GABRB1: variants seen among roughly 807,000 people sequenced by gnomAD.
The protein encoded by GABRB1 is gamma-aminobutyric acid receptor subunit beta-1.
GABRB1 carries 17 observed loss-of-function variants against 51.6 expected under a neutral mutation model. That is an observed-to-expected ratio of 0.33 (90% CI 0.23 to 0.49). The LOEUF is 0.49. Among genes scored for constraint, GABRB1 ranks in the 20% least tolerant of loss-of-function variants. The pLI is 0.99. For missense variants in GABRB1, 410 were observed against 600.6 expected (o/e 0.68, Z 3.32); for synonymous variants, 247 against 218.9 (o/e 1.13, Z -1.14).
chr4:47,211,114 G>A (rs114173949), intron 4 of GABRB1, among the ~76,000 whole-genome samples: 67 of 152,110 alleles, frequency 4.4e-4, no homozygotes, highest in African/African-American at 1.4e-3. Context: ...TCTTTCCCAC[G>A]TTACCAGAAC....
intron 4 of GABRB1, among the ~76,000 whole-genome samples, chr4:47,261,299 C>T (rs956284475): frequency 1.8e-4 from 28 of 152,264 alleles, no homozygotes; most frequent in African/African-American, 6.0e-4. Flanking sequence ...TAGAAAACCC[C>T]ACTGTCTCAG....
intron 4 of GABRB1, among the ~76,000 whole-genome samples, chr4:47,281,993 G>A (rs1253483290): frequency 1.3e-5 from 2 of 151,998 alleles, no homozygotes; most frequent in Non-Finnish European, 2.9e-5. Context: ...TTAGTATGAT[G>A]TATTATGTAT....
chr4:47,083,139 C>T (rs1325712433), intron 3 of GABRB1, among the ~76,000 whole-genome samples: 1 of 152,044 alleles, frequency 6.6e-6, no homozygotes, highest in Non-Finnish European at 1.5e-5. Flanking sequence ...TGCAAGCACA[C>T]CAGAATAAAC....
chr4:47,013,433 A>G (rs986952825), intron 1 of GABRB1, among the ~76,000 whole-genome samples: 1 of 152,138 alleles, frequency 6.6e-6, no homozygotes, highest in Non-Finnish European at 1.5e-5. Context: ...TGCTGGGATT[A>G]CAGGACTGAT....
chr4:47,261,923 A>G (rs1350214260), intron 4 of GABRB1, among the ~76,000 whole-genome samples: 1 of 152,008 alleles, frequency 6.6e-6, no homozygotes, highest in Non-Finnish European at 1.5e-5. Flanking sequence ...GACAAAGCTG[A>G]GAAAAACAAG....
chr4:47,096,544 T>C (rs1435380454), intron 3 of GABRB1, among the ~76,000 whole-genome samples: 1 of 152,170 alleles, frequency 6.6e-6, no homozygotes, highest in African/African-American at 2.4e-5. Flanking sequence ...TGTGAGTATG[T>C]TACCTTATGT....
chr4:47,247,237 G>C (rs1355406931), intron 4 of GABRB1, among the ~76,000 whole-genome samples: 4 of 152,026 alleles, frequency 2.6e-5, no homozygotes, highest in Non-Finnish European at 5.9e-5. Context: ...TCCTACATGT[G>C]ACTAGCCAAT....
rs1203317521 is a variant in GABRB1, at chr4:47,254,371, T to G, written c.462-65756T>G. ...ATGTTTCTTTTCTTTGTTTTTTTTT[T>G]TTTTTTTTTTTTTTTTTTTTTGAGG... is the stretch of plus-strand genomic sequence containing the variant. On this transcript the variant is annotated intron_variant, in intron 4 of 8. Coordinates refer to ENST00000295454, the MANE Select transcript of GABRB1 (RefSeq NM_000812.4). Among the ~76,000 whole-genome samples the G allele has an allele frequency of 1.4e-4, 17 of 121,042 alleles. 1 individual carries two copies. Among genetic ancestry groups the G allele is most frequent in the Non-Finnish European group, 2.6e-4 (15 of 58,216 alleles). 79.4% of individuals were successfully genotyped at this position (121,042 alleles called of 152,430 possible).
intron 6 of GABRB1, 37 bp downstream of exon 6, chr4:47,403,492 G>T: frequency 6.2e-7 from 1 of 1,613,414 alleles, no homozygotes; most frequent in Non-Finnish European, 8.5e-7. Flanking sequence ...TAGGGGTGCT[G>T]TGAAAGGAAG....
At chr4:47,104,110 G>A (rs1282290185) in intron 3 of GABRB1, among the ~76,000 whole-genome samples, 1 of 151,562 alleles carries the variant, frequency 6.6e-6, no homozygotes, top group Non-Finnish European at 1.5e-5. Flanking sequence ...CTGCACTTAG[G>A]TTTCTATGAA....
intron 4 of GABRB1, among the ~76,000 whole-genome samples, chr4:47,279,658 C>A (rs1400480657): frequency 2.0e-5 from 3 of 151,708 alleles, no homozygotes; most frequent in Non-Finnish European, 2.9e-5. Context: ...TATATAATGG[C>A]CTTCTTTGTA....
chr4:47,409,458 C>G (rs566038987), intron 8 of GABRB1, among the ~76,000 whole-genome samples: 457 of 152,288 alleles, frequency 3.0e-3, no homozygotes, highest in Admixed American at 4.2e-3. Context: ...CTCCGACCAT[C>G]TCCAGCCAAA....
chr4:47,216,934 A>G (rs936342877), intron 4 of GABRB1, among the ~76,000 whole-genome samples: 1 of 151,892 alleles, frequency 6.6e-6, no homozygotes, highest in African/African-American at 2.4e-5. Flanking sequence ...AGTGAAGAAA[A>G]TTTGCAAATA....
At chr4:46,998,937 T>A (rs1393428734) in intron 1 of GABRB1, among the ~76,000 whole-genome samples, 3 of 152,038 alleles carry the variant, frequency 2.0e-5, no homozygotes, top group Admixed American at 6.6e-5. Context: ...ATTGTGTGTG[T>A]GAGATGGTGT....
At chr4:47,422,064 G>A (rs1729108345) in intron 8 of GABRB1, among the ~76,000 whole-genome samples, 1 of 152,114 alleles carries the variant, frequency 6.6e-6, no homozygotes, top group Admixed American at 6.5e-5. Context: ...GTAGAGGACA[G>A]AGACTGCATC....
intron 3 of GABRB1, among the ~76,000 whole-genome samples, chr4:47,077,133 T>C (rs956779069): frequency 6.6e-6 from 1 of 152,182 alleles, no homozygotes; most frequent in Non-Finnish European, 1.5e-5. Flanking sequence ...TGACAAAAGA[T>C]TTGTTCCACA....
chr4:47,416,459 T>TA (rs1728922791), intron 8 of GABRB1, among the ~76,000 whole-genome samples: 2 of 151,950 alleles, frequency 1.3e-5, no homozygotes, highest in Admixed American at 1.3e-4. Context: ...TTTACTTTTT[T>TA]TTTTTTTTTG....
At chr4:47,180,499 A>G in intron 4 of GABRB1, among the ~76,000 whole-genome samples, 1 of 152,132 alleles carries the variant, frequency 6.6e-6, no homozygotes, top group East Asian at 1.9e-4. Flanking sequence ...ATTTGCTGAT[A>G]CTGTTCCTGC....
At chr4:47,318,668 C>T (rs908796772) in intron 4 of GABRB1, among the ~76,000 whole-genome samples, 1 of 152,080 alleles carries the variant, frequency 6.6e-6, no homozygotes, top group South Asian at 2.1e-4. Context: ...CCTAACTCTA[C>T]ATATCCTATC....
Sources: gnomAD v4.1 joint callset for allele counts (sites outside exome capture counted in the v4.1 genomes callset) on GRCh38, gnomAD v4.1.1 for gene constraint, MANE v1.5 for transcripts, NCBI Gene and HGNC (gene_info 2026-07-23, HGNC 2026-07-21) for gene names.